DLGAP2: variants seen among roughly 807,000 people sequenced by gnomAD.
DLGAP2 encodes the protein disks large-associated protein 2.
In DLGAP2, 26 loss-of-function variants were observed where a neutral mutation model predicts 100.3. The ratio of observed to expected loss-of-function variants is 0.26; its 90% CI spans 0.19 to 0.36. DLGAP2 has a LOEUF of 0.36. DLGAP2 is among the 10% of genes least tolerant of loss of function. The probability of loss-of-function intolerance (pLI) is 1.00; values close to 1 mark genes in which losing one functional copy is unlikely to be tolerated. For synonymous variants in DLGAP2, 886 were observed against 630.1 expected (o/e 1.41, Z -6.08); for missense variants, 1,858 against 1,453.2 (o/e 1.28, Z -4.53).
At chr8:1,313,130 A>G (rs1183292099) in intron 3 of DLGAP2, among the ~76,000 whole-genome samples, 4 of 152,202 alleles carry the variant, frequency 2.6e-5, no homozygotes, top group African/African-American at 4.8e-5. Flanking sequence ...TTGGGGGGTG[A>G]CATTTACCTA....
At chr8:904,890 C>T (rs1008496771) in intron 1 of DLGAP2, among the ~76,000 whole-genome samples, 4 of 152,222 alleles carry the variant, frequency 2.6e-5, no homozygotes, top group Non-Finnish European at 5.9e-5. Flanking sequence ...CCTCTGCGGC[C>T]TTCTGTAAAT....
chr8:1,626,698 G>T (rs370942530), intron 6 of DLGAP2, 42 bp from the exon 7 acceptor site: 19 of 1,562,438 alleles, frequency 1.2e-5, no homozygotes, highest in East Asian at 1.2e-4. Flanking sequence ...CCCTGCAGCG[G>T]GTGCTCACAG....
intron 3 of DLGAP2, among the ~76,000 whole-genome samples, chr8:1,362,856 A>G (rs1210980737): frequency 6.6e-6 from 1 of 151,864 alleles, no homozygotes; most frequent in Non-Finnish European, 1.5e-5. Flanking sequence ...GAACGTTTCA[A>G]AGTCAGTGGC....
intron 2 of DLGAP2, among the ~76,000 whole-genome samples, chr8:1,112,944 C>T (rs1475786616): frequency 6.6e-6 from 1 of 152,124 alleles, no homozygotes; most frequent in Non-Finnish European, 1.5e-5. Context: ...ATCCCAGCAC[C>T]CTTTGTTGAC....
chr8:1,033,039 A>C (rs1186708451), intron 2 of DLGAP2: 2 of 152,208 alleles, frequency 1.3e-5, no homozygotes, highest in African/African-American at 2.4e-5. Flanking sequence ...TAAATCTGCA[A>C]ATGATAGCAG....
chr8:1,102,800 C>T (rs1276854570), intron 2 of DLGAP2, among the ~76,000 whole-genome samples: 3 of 151,948 alleles, frequency 2.0e-5, no homozygotes, highest in Non-Finnish European at 4.4e-5. Flanking sequence ...GAAAACACAG[C>T]CCTGGGGGAG....
At chr8:1,413,030 G>C (rs1271312747) in intron 3 of DLGAP2, among the ~76,000 whole-genome samples, 5 of 152,120 alleles carry the variant, frequency 3.3e-5, no homozygotes, top group Non-Finnish European at 5.9e-5. Flanking sequence ...CAGCTCAAGT[G>C]TCCCCTCCTC....
intron 1 of DLGAP2, among the ~76,000 whole-genome samples, chr8:856,336 A>C (rs1005387510): frequency 6.6e-6 from 1 of 151,842 alleles, no homozygotes; most frequent in African/African-American, 2.4e-5. Context: ...TTACAGGCAC[A>C]CACCACCACG....
chr8:1,291,547 G>A (rs563139239), intron 3 of DLGAP2, among the ~76,000 whole-genome samples: 1 of 152,134 alleles, frequency 6.6e-6, no homozygotes, highest in African/African-American at 2.4e-5. Flanking sequence ...TGGTATATTC[G>A]AAGCCCTGCC....
intron 8 of DLGAP2, among the ~76,000 whole-genome samples, chr8:1,640,425 C>T (rs1288450714): frequency 2.6e-5 from 4 of 152,180 alleles, no homozygotes; most frequent in African/African-American, 9.7e-5. Context: ...GTCCAAATGC[C>T]AGAAACCTGG....
chr8:1,254,212 C>A (rs1404346117), intron 2 of DLGAP2, among the ~76,000 whole-genome samples: 1 of 152,192 alleles, frequency 6.6e-6, no homozygotes, highest in Non-Finnish European at 1.5e-5. Context: ...ATCAGTGCCT[C>A]CCACAGGCAC....
At chr8:1,333,644 G>A (rs1002385794) in intron 3 of DLGAP2, among the ~76,000 whole-genome samples, 3 of 152,216 alleles carry the variant, frequency 2.0e-5, no homozygotes, top group African/African-American at 7.2e-5. Flanking sequence ...AAGGCACTCG[G>A]AGGTAATTTG....
intron 3 of DLGAP2, among the ~76,000 whole-genome samples, chr8:1,270,214 A>T (rs1482867487): frequency 6.6e-6 from 1 of 152,076 alleles, no homozygotes; most frequent in African/African-American, 2.4e-5. Flanking sequence ...ACAGCATGGG[A>T]TTGAGAATAT....
chr8:927,184 G>C (rs1042257048), intron 2 of DLGAP2: 3 of 985,408 alleles, frequency 3.0e-6, no homozygotes, highest in Non-Finnish European at 3.6e-6. Context: ...GAGTGTTCAG[G>C]AAAACTCCTA....
chr8:850,289 G>A lies in DLGAP2; in HGVS notation c.19-57623G>A, dbSNP rs1370355342. Reference sequence around the variant, plus strand: ...TTTATCACATTTTTAAATGCATTGTGCTTTTGGAGTTTATCTCAAAGCAAT... The same window carrying A: ...TTTATCACATTTTTAAATGCATTGTACTTTTGGAGTTTATCTCAAAGCAAT... On this transcript the variant is annotated intron_variant, in intron 1 of 14. Transcript: ENST00000637795. Among the ~76,000 whole-genome samples, 3 of 152,072 alleles carry A rather than the reference G, an allele frequency of 2.0e-5. No individual in the cohort carries two copies. In the East Asian group the frequency reaches 5.8e-4, roughly 29 times the overall value.
At chr8:1,362,850 G>A (rs1563106171) in intron 3 of DLGAP2, among the ~76,000 whole-genome samples, 2 of 152,176 alleles carry the variant, frequency 1.3e-5, no homozygotes, top group Non-Finnish European at 2.9e-5. Flanking sequence ...TTTGTTGAAC[G>A]TTTCAAAGTC....
chr8:1,508,079 C>A (rs192632210), intron 4 of DLGAP2, among the ~76,000 whole-genome samples: 1 of 152,030 alleles, frequency 6.6e-6, no homozygotes, highest in African/African-American at 2.4e-5. Flanking sequence ...ATTTTAACAA[C>A]CCCGTTTTTA....
chr8:1,456,658 T>A (rs10093436), intron 3 of DLGAP2, among the ~76,000 whole-genome samples: 23,269 of 151,684 alleles, frequency 0.15, 2,037 homozygotes, highest in South Asian at 0.27. Flanking sequence ...ATTAGAAAAA[T>A]AAAATGAGAC....
chr8:824,165 C>G (rs1489089751), intron 1 of DLGAP2, among the ~76,000 whole-genome samples: 1 of 152,134 alleles, frequency 6.6e-6, no homozygotes, highest in Non-Finnish European at 1.5e-5. Flanking sequence ...GCCTCAACCT[C>G]CTGGGCTCAG....
Sources: gnomAD v4.1 joint callset for allele counts (sites outside exome capture counted in the v4.1 genomes callset) on GRCh38, gnomAD v4.1.1 for gene constraint, MANE v1.5 for transcripts, NCBI Gene and HGNC (gene_info 2026-07-23, HGNC 2026-07-21) for gene names.